The following HPCAL1 variants were observed in gnomAD, a reference collection of about 807,000 sequenced individuals.
HPCAL1 encodes hippocalcin like 1, also known as hippocalcin-like protein 1.
HPCAL1 carries 8 observed loss-of-function variants against 17.1 expected under a neutral mutation model. The observed-to-expected ratio is 0.47, with a 90% confidence interval of 0.27 to 0.84. The LOEUF (loss-of-function observed/expected upper bound fraction) is 0.84. Among genes scored for constraint, HPCAL1 ranks in the 40% least tolerant of loss-of-function variants. The pLI is 0.13. For synonymous variants in HPCAL1, 112 were observed against 111.4 expected, an observed-to-expected ratio of 1.01 and a Z score of -0.03; for missense variants, 165 against 271.1, an observed-to-expected ratio of 0.61 and a Z score of 2.75.
chr2:10,325,450 A>C (rs572815663), intron 1 of HPCAL1, among the ~76,000 whole-genome samples: 2 of 152,328 alleles, frequency 1.3e-5, no homozygotes, highest in East Asian at 3.9e-4. Context: ...CCAAGGCGGC[A>C]GTGCCAGCGT....
chr2:10,358,021 C>T (rs1023629146), intron 1 of HPCAL1, among the ~76,000 whole-genome samples: 2 of 152,246 alleles, frequency 1.3e-5, no homozygotes, highest in African/African-American at 2.4e-5. Flanking sequence ...GTTCCTTTCC[C>T]GTGTCCACCA....
At chr2:10,303,920 C>G (rs183255867) in intron 1 of HPCAL1, 2 of 152,436 alleles carry the variant, frequency 1.3e-5, no homozygotes, top group South Asian at 2.1e-4. Flanking sequence ...GAAGACAGCT[C>G]TTGGTCCAAA....
intron 1 of HPCAL1, among the ~76,000 whole-genome samples, chr2:10,315,551 A>G (rs1037693615): frequency 5.9e-4 from 90 of 152,256 alleles, no homozygotes; most frequent in African/African-American, 2.1e-3. Context: ...TACCCTCTTA[A>G]TTTGCTTACC....
intron 1 of HPCAL1, among the ~76,000 whole-genome samples, chr2:10,338,790 C>T (rs532502951): frequency 4.5e-4 from 69 of 152,272 alleles, no homozygotes; most frequent in Admixed American, 2.4e-3. Flanking sequence ...GAGGTGGCGT[C>T]GCCTCCACTT....
chr2:10,395,176 T>C lies in HPCAL1; in HGVS notation c.-110-1659T>C, dbSNP rs1318621725. Among the ~76,000 whole-genome samples, 4 of 149,860 alleles carry C rather than the reference T, an allele frequency of 2.7e-5. No homozygotes were observed. On this transcript the variant is annotated intron_variant, in intron 1 of 4. Transcript: ENST00000307845. This position sits in a 1 kb window ranked among gnomAD's most constrained non-coding sequence, Gnocchi z 4.4. ...CACACACACTGCTATCTTAAAAGCA[T>C]AGGGACCTTGCAGTGAGAATTTCTG... is the stretch of plus-strand genomic sequence containing the variant.
rs1202427386 is a variant in HPCAL1, at chr2:10,359,274, C to T, written c.-110-37561C>T. Among the ~76,000 whole-genome samples the T allele has an allele frequency of 2.0e-5, 3 of 152,058 alleles. No homozygotes were observed. The highest frequency in any genetic ancestry group is 3.9e-4 in the East Asian group (2 of 5,188). ...TGCCTATGTTTGCTGCGGGCTGGCT[C>T]GGCGAGGGGGAGGTGGGCAGCTGGG... is the stretch of plus-strand genomic sequence containing the variant. On this transcript the variant is annotated intron_variant, in intron 1 of 4. Coordinates refer to ENST00000307845, the MANE Select transcript of HPCAL1 (RefSeq NM_002149.4). The surrounding 1 kb of genome is among the most constrained non-coding windows in gnomAD (Gnocchi z 4.1).
rs1052719783 is a variant in HPCAL1 at position 10,342,727 on chromosome 2, C to T, written c.-111+39550C>T. On this transcript the variant is annotated intron_variant, in intron 1 of 4. Coordinates refer to ENST00000307845, the MANE Select transcript of HPCAL1 (RefSeq NM_002149.4). This position sits in a 1 kb window ranked among gnomAD's most constrained non-coding sequence, Gnocchi z 4.1. ...GTTGAGTTTTGTTTTGTCACCCAGC[C>T]GGACTCCTGGGCAAAGAGAGGCACA... Among the ~76,000 whole-genome samples, 15 of 152,168 alleles carry T rather than the reference C, an allele frequency of 9.9e-5. No individual in the cohort carries two copies. Among genetic ancestry groups the T allele is most frequent in the African/African-American group, 3.4e-4 (14 of 41,446 alleles).
At chr2:10,312,208 ATCAACAT>A (rs774442443) in intron 1 of HPCAL1, among the ~76,000 whole-genome samples, 6 of 25,532 alleles carry the variant, frequency 2.3e-4, no homozygotes, top group East Asian at 3.0e-3. Context: ...CACTGTCATC[ATCAACAT>A]CCATCATCAC....
chr2:10,340,708 A>G (rs967402668), intron 1 of HPCAL1, among the ~76,000 whole-genome samples: 12 of 152,110 alleles, frequency 7.9e-5, no homozygotes, highest in Non-Finnish European at 1.8e-4. Flanking sequence ...TTCCTTTCAG[A>G]CTGAGTCTTA....
chr2:10,379,355 A>T (rs1459991618), intron 1 of HPCAL1, among the ~76,000 whole-genome samples: 1 of 150,742 alleles, frequency 6.6e-6, no homozygotes, highest in East Asian at 2.0e-4. Context: ...TTGGAGGGAA[A>T]GTGTTTGTGA....
At chr2:10,391,364 C>A (rs1381622665) in intron 1 of HPCAL1, among the ~76,000 whole-genome samples, 1 of 152,238 alleles carries the variant, frequency 6.6e-6, no homozygotes, top group Non-Finnish European at 1.5e-5. Flanking sequence ...GCTCTTTGCT[C>A]TCCTGTCCAC....
chr2:10,402,188 C>T (rs1349599842), intron 2 of HPCAL1, among the ~76,000 whole-genome samples: 1 of 152,226 alleles, frequency 6.6e-6, no homozygotes, highest in Non-Finnish European at 1.5e-5. Context: ...GCATGAGTCA[C>T]CGCACCCGGC....
In HPCAL1 at chr2:10,420,209, CTTTTTTTTT is replaced by C. The variant is rs369044166; in HGVS notation, c.378+88_378+96del. On this transcript the variant is annotated intron_variant, in intron 3 of 4. Transcript: ENST00000307845. Reference sequence around the variant, plus strand: ...CCAGCTCCCAGCCCCCAGCCCAGGGCTTTTTTTTTTTTTTTTTTTTTTAAGACAGGAATC... The same window carrying C: ...CCAGCTCCCAGCCCCCAGCCCAGGGCTTTTTTTTTTTTTAAGACAGGAATC... The C allele has an allele frequency of 1.7e-4, 99 of 572,010 alleles. 1 individual carries two copies. The highest frequency in any genetic ancestry group is 1.6e-3 in the Admixed American group (35 of 21,546). 35.4% of individuals were successfully genotyped at this position (572,010 alleles called of 1,614,324 possible).
chr2:10,344,413 A>G lies in HPCAL1; in HGVS notation c.-111+41236A>G, dbSNP rs945389615. Among the ~76,000 whole-genome samples, 1 of 152,242 alleles carries G rather than the reference A, an allele frequency of 6.6e-6. No individual in the cohort carries two copies. The highest frequency in any genetic ancestry group is 1.5e-5 in the Non-Finnish European group (1 of 68,042). ...TTAGCATAAGGCCCGTTTATCCAGG[A>G]AGCCAGAACCAGTGCACATCTGTTA... On this transcript the variant is annotated intron_variant, in intron 1 of 4. Coordinates refer to ENST00000307845, the MANE Select transcript of HPCAL1 (RefSeq NM_002149.4). The surrounding 1 kb of genome is among the most constrained non-coding windows in gnomAD (Gnocchi z 4.9).
At chr2:10,389,741 G>T (rs1668566540) in intron 1 of HPCAL1, among the ~76,000 whole-genome samples, 1 of 152,178 alleles carries the variant, frequency 6.6e-6, no homozygotes, top group Non-Finnish European at 1.5e-5. Context: ...ATTGCTTTAT[G>T]GGACTCTGTT....
At chr2:10,379,516 C>T (rs552624499) in intron 1 of HPCAL1, among the ~76,000 whole-genome samples, 1 of 151,934 alleles carries the variant, frequency 6.6e-6, no homozygotes, top group East Asian at 2.0e-4. Flanking sequence ...AGCAGTGGTA[C>T]AGTTAGATAG....
In HPCAL1 at chr2:10,340,651, C is replaced by T. The variant is rs374038966; in HGVS notation, c.-111+37474C>T. Among the ~76,000 whole-genome samples, 79 of 152,314 alleles carry T rather than the reference C, an allele frequency of 5.2e-4. No homozygotes were observed. In the South Asian group the frequency reaches 0.014, roughly 26 times the overall value. On this transcript the variant is annotated intron_variant, in intron 1 of 4. Transcript: ENST00000307845. The stretch of plus-strand genomic sequence containing the variant: ...GAGCTGGGACGCAACCCCAAGCTTG[C>T]TGCTCTCAAAGCTTTGCTTTCAAAC...
intron 1 of HPCAL1, among the ~76,000 whole-genome samples, chr2:10,348,439 A>ACT (rs1665607075): frequency 6.6e-6 from 1 of 151,476 alleles, no homozygotes; most frequent in Non-Finnish European, 1.5e-5. Flanking sequence ...ACAGAGCAAG[A>ACT]CTCCATCTCA....
chr2:10,400,858 A>G (rs1486506867), intron 2 of HPCAL1, among the ~76,000 whole-genome samples: 2 of 152,286 alleles, frequency 1.3e-5, no homozygotes, highest in East Asian at 3.9e-4. Context: ...GGCTGGGGAC[A>G]TTGTCCTGGC....
Sources: allele counts gnomAD v4.1 joint callset (sites outside exome capture counted in the v4.1 genomes callset), GRCh38; gene constraint gnomAD v4.1.1; non-coding constraint Gnocchi (gnomAD v3.1); transcripts MANE v1.5; gene names NCBI Gene and HGNC (gene_info 2026-07-23, HGNC 2026-07-21).